The following DCC variants were observed in gnomAD, a reference collection of about 807,000 sequenced individuals.
The protein encoded by DCC is DCC netrin 1 receptor.
Under a neutral mutation model 172.5 loss-of-function variants are expected in DCC, and 58 were observed. The observed-to-expected ratio is 0.34, with a 90% CI of 0.27 to 0.42. DCC has a LOEUF of 0.42. Among genes scored for constraint, DCC ranks in the 10% least tolerant of loss-of-function variants. The probability of loss-of-function intolerance (pLI) is 1.00; values close to 1 mark genes in which losing one functional copy is unlikely to be tolerated. For missense variants in DCC, 1,740 were observed against 1,791.0 expected (o/e 0.97, Z 0.51); for synonymous variants, 709 against 644.5 (o/e 1.10, Z -1.52).
chr18:52,784,643 T>C (rs1454972821), intron 2 of DCC, among the ~76,000 whole-genome samples: 1 of 152,114 alleles, frequency 6.6e-6, no homozygotes, highest in East Asian at 1.9e-4. Context: ...ATTGTGGTTC[T>C]CATTGTGATG....
At chr18:52,987,800 C>T (rs2041319345) in intron 5 of DCC, among the ~76,000 whole-genome samples, 1 of 152,188 alleles carries the variant, frequency 6.6e-6, no homozygotes, top group Non-Finnish European at 1.5e-5. Flanking sequence ...AATTCTCTGG[C>T]TTACCACACT....
At chr18:52,515,668 TA>T (rs2031614585) in intron 1 of DCC, among the ~76,000 whole-genome samples, 1 of 120,638 alleles carries the variant, frequency 8.3e-6, no homozygotes, top group African/African-American at 3.0e-5. Flanking sequence ...AAAAATAGGA[TA>T]TTGTCTCCAA....
At chr18:53,313,086 G>T (rs1444481605) in intron 13 of DCC, among the ~76,000 whole-genome samples, 8 of 138,142 alleles carry the variant, frequency 5.8e-5, no homozygotes, top group African/African-American at 1.8e-4. Context: ...GAAGGAAAAA[G>T]GAAGGAAGGG....
chr18:52,693,289 CATT>C (rs1289392690), intron 1 of DCC, among the ~76,000 whole-genome samples: 6 of 148,960 alleles, frequency 4.0e-5, no homozygotes, highest in Admixed American at 6.7e-5. Context: ...AATACATACA[CATT>C]ATATATTAAG....
Position 53,188,497 on chromosome 18 carries a change from G to A in DCC, c.1573+9381G>A, listed in dbSNP as rs369523416. Among the ~76,000 whole-genome samples, 8 of 152,234 alleles carry A rather than the reference G, an allele frequency of 5.3e-5. No homozygotes were observed. The South Asian group carries it at 1.5e-3, about 28-fold the overall frequency. ...GCTTGTTTTGGGATAATATGAAGGGGCACTAGAAAAGCCTCATTAAGGAAC... is the reference window on the plus strand; with the variant it reads ...GCTTGTTTTGGGATAATATGAAGGGACACTAGAAAAGCCTCATTAAGGAAC... On this transcript the variant is annotated intron_variant, in intron 9 of 28. Coordinates refer to ENST00000442544, the MANE Select transcript of DCC (RefSeq NM_005215.4).
chr18:53,294,166 T>C (rs1046638011), intron 12 of DCC, among the ~76,000 whole-genome samples: 1 of 152,170 alleles, frequency 6.6e-6, no homozygotes, highest in African/African-American at 2.4e-5. Flanking sequence ...CTAAAAAATA[T>C]AAAAATGGAA....
intron 12 of DCC, among the ~76,000 whole-genome samples, chr18:53,228,247 T>A (rs918400007): frequency 1.1e-4 from 17 of 152,036 alleles, no homozygotes; most frequent in African/African-American, 4.1e-4. Context: ...AAGAAAACGT[T>A]GTTAGTAAAA....
intron 1 of DCC, among the ~76,000 whole-genome samples, chr18:52,618,915 G>C (rs925221016): frequency 1.3e-5 from 2 of 152,022 alleles, no homozygotes; most frequent in African/African-American, 4.8e-5. Context: ...TAAGTTTTTA[G>C]ACTTATCTCT....
rs369426007 is a variant in DCC, at chr18:53,446,124, A to AAAAAAAAAAAAAAAC, written c.3230-4376_3230-4375insAAAAAAAAAAAAAAC. 3.5e-3 allele frequency among the ~76,000 whole-genome samples: 405 copies of AAAAAAAAAAAAAAAC among 117,192 alleles called. 69 individuals are homozygous for AAAAAAAAAAAAAAAC. The highest frequency in any genetic ancestry group is 5.1e-3 in the Non-Finnish European group (275 of 54,334). The allele number at this position is 117,192 out of a possible 152,430, so 76.9% of individuals were successfully genotyped here. ...AAAAAAAAAAAAAAAACAAAAAAAAACACTTAAAAATTTTCCAGGGATGGT... is the reference window on the plus strand; with the variant it reads ...AAAAAAAAAAAAAAAACAAAAAAAAAAAAAAAAAAAAAAACCACTTAAAAATTTTCCAGGGATGGT... On this transcript the variant is annotated intron_variant, in intron 22 of 28. Coordinates refer to ENST00000442544, the MANE Select transcript of DCC (RefSeq NM_005215.4).
chr18:52,479,313 A>C (rs1989185722), intron 1 of DCC, among the ~76,000 whole-genome samples: 1 of 152,196 alleles, frequency 6.6e-6, no homozygotes, highest in Non-Finnish European at 1.5e-5. Flanking sequence ...GCCTGTTAGA[A>C]AAATCACTTA....
At chr18:52,831,916 A>G (rs1220305183) in intron 2 of DCC, among the ~76,000 whole-genome samples, 1 of 152,148 alleles carries the variant, frequency 6.6e-6, no homozygotes, top group Non-Finnish European at 1.5e-5. Context: ...AGATAGAACA[A>G]AGGAGGCCAG....
At chr18:53,091,413 TAC>T (rs888199178) in intron 7 of DCC, among the ~76,000 whole-genome samples, 11 of 148,730 alleles carry the variant, frequency 7.4e-5, no homozygotes, top group African/African-American at 2.0e-4. Flanking sequence ...TATGTATATA[TAC>T]ACACACACAC....
At chr18:52,662,613 G>T (rs1270322440) in intron 1 of DCC, among the ~76,000 whole-genome samples, 1 of 148,534 alleles carries the variant, frequency 6.7e-6, no homozygotes, top group Non-Finnish European at 1.5e-5. Context: ...AAGAGAGAGA[G>T]AAAGAAAGAA....
At chr18:52,955,293 G>A (rs974152896) in intron 5 of DCC, among the ~76,000 whole-genome samples, 14 of 151,986 alleles carry the variant, frequency 9.2e-5, no homozygotes, top group African/African-American at 2.7e-4. Flanking sequence ...AGAGTACCAT[G>A]TAGTTCACAT....
intron 1 of DCC, among the ~76,000 whole-genome samples, chr18:52,396,881 T>C (rs1292598630): frequency 6.6e-6 from 1 of 152,032 alleles, no homozygotes; most frequent in Non-Finnish European, 1.5e-5. Flanking sequence ...CGAGGCTGTG[T>C]GATCCTCTAA....
chr18:52,501,977 G>A (rs1194292585), intron 1 of DCC, among the ~76,000 whole-genome samples: 1 of 152,154 alleles, frequency 6.6e-6, no homozygotes, highest in Non-Finnish European at 1.5e-5. Context: ...TAAATGAGAA[G>A]GGGGCTTAAA....
intron 5 of DCC, among the ~76,000 whole-genome samples, chr18:53,056,322 A>G (rs1192600408): frequency 3.3e-5 from 5 of 152,110 alleles, no homozygotes; most frequent in African/African-American, 9.7e-5. Flanking sequence ...CCTATGATCC[A>G]GTCATCTCCC....
At chr18:52,842,508 T>C (rs1199898681) in intron 2 of DCC, among the ~76,000 whole-genome samples, 3 of 152,146 alleles carry the variant, frequency 2.0e-5, no homozygotes, top group African/African-American at 4.8e-5. Flanking sequence ...GCTAGCCCAA[T>C]TGGGGAGGGT....
intron 5 of DCC, among the ~76,000 whole-genome samples, chr18:53,046,304 G>T (rs567768320): frequency 4.0e-4 from 61 of 151,864 alleles, no homozygotes; most frequent in African/African-American, 1.4e-3. Flanking sequence ...GGTAATGTTG[G>T]TATATATTGT....
Sources: gnomAD v4.1 joint callset for allele counts (sites outside exome capture counted in the v4.1 genomes callset) on GRCh38, gnomAD v4.1.1 for gene constraint, MANE v1.5 for transcripts, NCBI Gene and HGNC (gene_info 2026-07-23, HGNC 2026-07-21) for gene names.